ELAVL2: variants seen among roughly 807,000 people sequenced by gnomAD.
ELAVL2 encodes the protein ELAV like RNA binding protein 2.
In ELAVL2, 4 loss-of-function variants were observed where a neutral mutation model predicts 34.6. That is an observed-to-expected ratio of 0.12 (90% CI 0.06 to 0.26). The LOEUF is 0.26. Among genes scored for constraint, ELAVL2 ranks in the 10% least tolerant of loss-of-function variants. The pLI is 1.00. For missense variants in ELAVL2, 432 were observed against 442.8 expected, an observed-to-expected ratio of 0.98 and a Z score of 0.22; for synonymous variants, 193 against 154.8, an observed-to-expected ratio of 1.25 and a Z score of -1.83.
rs116563363 is a variant in ELAVL2 at position 23,796,586 on chromosome 9, G to T, written c.-16+29220C>A. Among the ~76,000 whole-genome samples, 392 of 152,352 alleles carry T rather than the reference G, an allele frequency of 2.6e-3. 1 individual carries two copies. The highest frequency in any genetic ancestry group is 9.0e-3 in the African/African-American group (373 of 41,592). On this transcript the variant is annotated intron_variant, in intron 1 of 6. Coordinates refer to ENST00000397312, the MANE Select transcript of ELAVL2 (RefSeq NM_004432.5). ...TGCTGCTTAGTCATTATGATCCAAAGATGCATGACTTGCCTCACTAGGGCA... is the reference window on the plus strand; with the variant it reads ...TGCTGCTTAGTCATTATGATCCAAATATGCATGACTTGCCTCACTAGGGCA...
At chr9:23,768,233 T>C (rs1010322509) in intron 1 of ELAVL2, among the ~76,000 whole-genome samples, 10 of 152,188 alleles carry the variant, frequency 6.6e-5, no homozygotes, top group African/African-American at 2.4e-4. Context: ...GAACTACTCC[T>C]TGTCCCTCAA....
At chr9:23,799,799 G>A (rs775278463) in intron 1 of ELAVL2, among the ~76,000 whole-genome samples, 8 of 152,126 alleles carry the variant, frequency 5.3e-5, no homozygotes, top group Admixed American at 4.6e-4. Flanking sequence ...AATCTATTAA[G>A]AATTAGAAAA....
intron 2 of ELAVL2, among the ~76,000 whole-genome samples, chr9:23,753,765 A>G (rs2052767439): frequency 1.3e-5 from 2 of 152,140 alleles, no homozygotes; most frequent in South Asian, 4.1e-4. Flanking sequence ...TGCAAAGTAA[A>G]CAAAGACTAC....
intron 3 of ELAVL2, among the ~76,000 whole-genome samples, chr9:23,718,136 G>A (rs1296109739): frequency 6.6e-6 from 1 of 152,078 alleles, no homozygotes; most frequent in African/African-American, 2.4e-5. Context: ...TGAACATAAA[G>A]TAACTACTTC....
chr9:23,693,732 A>G (rs1243778071), intron 5 of ELAVL2, among the ~76,000 whole-genome samples: 3 of 152,214 alleles, frequency 2.0e-5, no homozygotes, highest in African/African-American at 7.2e-5. Flanking sequence ...TCATCTGAGG[A>G]TACCTTTCAG....
intron 2 of ELAVL2, chr9:23,735,280 T>C (rs1042336825): frequency 6.6e-6 from 1 of 152,034 alleles, no homozygotes; most frequent in Non-Finnish European, 1.5e-5. Context: ...TTAATTCAAA[T>C]CTTTCTTCTT....
intron 2 of ELAVL2, among the ~76,000 whole-genome samples, chr9:23,747,110 A>G (rs1041803482): frequency 6.6e-6 from 1 of 152,056 alleles, no homozygotes; most frequent in Non-Finnish European, 1.5e-5. Flanking sequence ...CAAGACCCTC[A>G]GTGGATAACT....
intron 1 of ELAVL2, among the ~76,000 whole-genome samples, chr9:23,822,905 G>T (rs571868720): frequency 6.6e-6 from 1 of 152,198 alleles, no homozygotes; most frequent in Non-Finnish European, 1.5e-5. Flanking sequence ...AGCGCTCCCC[G>T]CCCCCATGCG....
intron 3 of ELAVL2, among the ~76,000 whole-genome samples, chr9:23,708,853 G>A (rs538920554): frequency 7.5e-4 from 114 of 152,030 alleles, no homozygotes; most frequent in African/African-American, 2.7e-3. Flanking sequence ...GGTCAGCCTG[G>A]TCTCGAATGC....
chr9:23,694,923 A>C (rs1296935942), intron 5 of ELAVL2, among the ~76,000 whole-genome samples: 1 of 152,160 alleles, frequency 6.6e-6, no homozygotes, highest in African/African-American at 2.4e-5. Context: ...TGCACCACTG[A>C]GCACAAGCCA....
intron 4 of ELAVL2, among the ~76,000 whole-genome samples, chr9:23,703,767 CAGTG>C (rs553339509): frequency 3.4e-4 from 51 of 152,216 alleles, no homozygotes; most frequent in Admixed American, 3.0e-3. Context: ...GAGAAACAAA[CAGTG>C]AGGAGAAAAG....
At chr9:23,696,824 G>C (rs1172949784) in intron 5 of ELAVL2, among the ~76,000 whole-genome samples, 1 of 152,088 alleles carries the variant, frequency 6.6e-6, no homozygotes, top group African/African-American at 2.4e-5. Context: ...TGGAGAGCAA[G>C]CTAGCTGCCT....
chr9:23,694,577 C>T (rs530326615), intron 5 of ELAVL2, among the ~76,000 whole-genome samples: 3 of 152,156 alleles, frequency 2.0e-5, no homozygotes, highest in Non-Finnish European at 2.9e-5. Flanking sequence ...CTTTAACACC[C>T]GTGAAAGGTA....
intron 3 of ELAVL2, among the ~76,000 whole-genome samples, chr9:23,711,443 G>C (rs188188330): frequency 3.3e-4 from 50 of 152,222 alleles, no homozygotes; most frequent in African/African-American, 1.2e-3. Flanking sequence ...ATAAATTTTA[G>C]AATTCTTATT....
chr9:23,815,298 T>C (rs958527184), intron 1 of ELAVL2, among the ~76,000 whole-genome samples: 4 of 152,294 alleles, frequency 2.6e-5, no homozygotes, highest in African/African-American at 9.6e-5. Context: ...TTAGCATTAT[T>C]TATATTTTCA....
At chr9:23,805,300 G>A (rs1340694289) in intron 1 of ELAVL2, among the ~76,000 whole-genome samples, 3 of 152,072 alleles carry the variant, frequency 2.0e-5, no homozygotes, top group East Asian at 1.9e-4. Context: ...TAAATAAAAC[G>A]GTACAAACAT....
At chr9:23,789,178 G>T (rs570324330) in intron 1 of ELAVL2, among the ~76,000 whole-genome samples, 1 of 152,058 alleles carries the variant, frequency 6.6e-6, no homozygotes, top group Non-Finnish European at 1.5e-5. Context: ...GTTCCTATTA[G>T]TCCCTATATA....
At chr9:23,769,668 C>T (rs148553741) in intron 1 of ELAVL2, among the ~76,000 whole-genome samples, 10 of 152,336 alleles carry the variant, frequency 6.6e-5, no homozygotes, top group African/African-American at 2.4e-4. Context: ...ACTAGCTCTA[C>T]GAATTCCTCA....
chr9:23,709,690 C>A (rs952829302), intron 3 of ELAVL2, among the ~76,000 whole-genome samples: 1 of 152,196 alleles, frequency 6.6e-6, no homozygotes, highest in Non-Finnish European at 1.5e-5. Context: ...CCACTGCAAT[C>A]TGTTCTCCAT....
Sources: allele counts gnomAD v4.1 joint callset (sites outside exome capture counted in the v4.1 genomes callset), GRCh38; gene constraint gnomAD v4.1.1; transcripts MANE v1.5; gene names NCBI Gene and HGNC (gene_info 2026-07-23, HGNC 2026-07-21).